The following LPP variants were observed in gnomAD, a reference collection of about 807,000 sequenced individuals.
LPP encodes LIM domain containing preferred translocation partner in lipoma.
A neutral mutation model predicts 60.4 loss-of-function variants in LPP; 38 were observed. The ratio of observed to expected loss-of-function variants is 0.63; its 90% confidence interval spans 0.49 to 0.83. The LOEUF is 0.83. Among genes scored for constraint, LPP ranks in the 40% least tolerant of loss-of-function variants. LPP has a pLI of 0.00. For missense variants in LPP, 902 were observed against 783.6 expected (o/e 1.15, Z -1.80); for synonymous variants, 328 against 290.8 (o/e 1.13, Z -1.30).
chr3:188,727,896 T>G (rs1363799929), intron 8 of LPP, among the ~76,000 whole-genome samples: 1 of 152,212 alleles, frequency 6.6e-6, no homozygotes, highest in East Asian at 1.9e-4. Flanking sequence ...CTATTTTTAA[T>G]GAGGATGCTT....
chr3:188,667,194 G>T (rs1855969925), intron 7 of LPP, among the ~76,000 whole-genome samples: 1 of 152,108 alleles, frequency 6.6e-6, no homozygotes, highest in Non-Finnish European at 1.5e-5. Context: ...TTCGGTAGGA[G>T]TTGGCTGGGC....
chr3:188,539,832 T>C (rs970744105), intron 6 of LPP, among the ~76,000 whole-genome samples: 22 of 152,214 alleles, frequency 1.4e-4, no homozygotes, highest in African/African-American at 5.3e-4. Flanking sequence ...AGATGGGAGC[T>C]CATTTGAATG....
chr3:188,592,917 A>G (rs558142709), intron 6 of LPP, among the ~76,000 whole-genome samples: 7 of 152,234 alleles, frequency 4.6e-5, no homozygotes, highest in Non-Finnish European at 7.4e-5. Flanking sequence ...ACAATGAATA[A>G]TATTATTTTA....
chr3:188,161,088 G>C (rs1056241078), intron 1 of LPP, among the ~76,000 whole-genome samples: 7 of 152,186 alleles, frequency 4.6e-5, no homozygotes, highest in African/African-American at 1.7e-4. Context: ...TGTGGGAGAT[G>C]GGGCTGGCTA....
At chr3:188,340,765 G>C (rs987264531) in intron 2 of LPP, among the ~76,000 whole-genome samples, 16 of 152,046 alleles carry the variant, frequency 1.1e-4, no homozygotes, top group Non-Finnish European at 2.2e-4. Context: ...TGTTAGATGA[G>C]GTCATGTGAG....
intron 7 of LPP, among the ~76,000 whole-genome samples, chr3:188,632,041 C>T (rs1201346851): frequency 6.6e-6 from 1 of 152,120 alleles, no homozygotes; most frequent in Non-Finnish European, 1.5e-5. Context: ...GCCCCTGAAG[C>T]TTCATTTCCT....
intron 9 of LPP, among the ~76,000 whole-genome samples, chr3:188,853,797 C>T (rs1035442918): frequency 1.3e-5 from 2 of 151,720 alleles, no homozygotes; most frequent in Non-Finnish European, 1.5e-5. Context: ...TGAACACAGA[C>T]TCCAAACCAT....
intron 8 of LPP, among the ~76,000 whole-genome samples, chr3:188,731,522 T>TTTTGTTTTG (rs1553817806): frequency 6.6e-6 from 1 of 151,462 alleles, no homozygotes; most frequent in African/African-American, 2.4e-5. Flanking sequence ...GTTTTTTTTG[T>TTTTGTTTTG]TTTGTTTTGT....
At chr3:188,839,842 CACTCCA>C (rs1279867626) in intron 9 of LPP, among the ~76,000 whole-genome samples, 4 of 152,142 alleles carry the variant, frequency 2.6e-5, no homozygotes, top group Non-Finnish European at 5.9e-5. Context: ...CACTCCACTG[CACTCCA>C]GCCTGGCGAC....
At position 188,263,040 on chromosome 3, in the gene LPP, T is replaced by C. The variant is rs2149704613; in HGVS notation, c.-67+37513T>C. Among the ~76,000 whole-genome samples, 4 of 152,268 alleles carry C rather than the reference T, an allele frequency of 2.6e-5. No homozygotes were observed. In the Middle Eastern group the frequency reaches 0.014, roughly 518 times the overall value. ...TATTTTTGTGACTATTCAGTACATGTACAATGCTGCCTCTTGGAGTGTTCC... is the reference window on the plus strand; with the variant it reads ...TATTTTTGTGACTATTCAGTACATGCACAATGCTGCCTCTTGGAGTGTTCC... On this transcript the variant is annotated intron_variant, in intron 2 of 11. Coordinates refer to ENST00000617246, the MANE Select transcript of LPP (RefSeq NM_001375462.1).
intron 5 of LPP, among the ~76,000 whole-genome samples, chr3:188,522,771 T>A (rs1233453635): frequency 4.5e-5 from 6 of 133,390 alleles, no homozygotes; most frequent in Admixed American, 2.3e-4. Flanking sequence ...TTTTAGATAA[T>A]GTGATAATAT....
At chr3:188,418,638 C>T (rs140151306) in intron 4 of LPP, among the ~76,000 whole-genome samples, 33 of 152,166 alleles carry the variant, frequency 2.2e-4, no homozygotes, top group African/African-American at 6.3e-4. Context: ...CTATCCAGAG[C>T]GATTTGAAGG....
At chr3:188,391,346 C>T (rs956248216) in intron 3 of LPP, among the ~76,000 whole-genome samples, 6 of 152,170 alleles carry the variant, frequency 3.9e-5, no homozygotes, top group African/African-American at 1.2e-4. Context: ...GCTCTGTGCA[C>T]GGCTCTTCTA....
At chr3:188,552,656 C>T (rs1347306538) in intron 6 of LPP, among the ~76,000 whole-genome samples, 3 of 152,126 alleles carry the variant, frequency 2.0e-5, no homozygotes, top group Admixed American at 6.6e-5. Flanking sequence ...TCTTGGCTCT[C>T]GGACTCTGTC....
chr3:188,266,895 C>A (rs1735778800), intron 2 of LPP, among the ~76,000 whole-genome samples: 1 of 152,134 alleles, frequency 6.6e-6, no homozygotes, highest in Non-Finnish European at 1.5e-5. Context: ...TGGTATGGAT[C>A]TACTTGTGCC....
intron 2 of LPP, among the ~76,000 whole-genome samples, chr3:188,275,915 C>T (rs1448888682): frequency 6.6e-6 from 1 of 152,060 alleles, no homozygotes; most frequent in East Asian, 1.9e-4. Context: ...ACCCCGTGAT[C>T]CTCCTGCCTC....
At chr3:188,382,443 C>A (rs1335975275) in intron 3 of LPP, among the ~76,000 whole-genome samples, 4 of 152,142 alleles carry the variant, frequency 2.6e-5, no homozygotes, top group Admixed American at 2.6e-4. Flanking sequence ...ATAATGTCTA[C>A]CCTGTCTCTC....
At chr3:188,644,881 A>G (rs1253658871) in intron 7 of LPP, among the ~76,000 whole-genome samples, 1 of 152,186 alleles carries the variant, frequency 6.6e-6, no homozygotes, top group Non-Finnish European at 1.5e-5. Flanking sequence ...GAACAGGAAG[A>G]AAGAGATTAG....
intron 8 of LPP, among the ~76,000 whole-genome samples, chr3:188,724,903 A>G (rs569932517): frequency 4.1e-4 from 62 of 152,344 alleles, no homozygotes; most frequent in African/African-American, 1.5e-3. Context: ...CTGATTTTGA[A>G]AATAAAGTCA....
Sources: allele counts gnomAD v4.1 joint callset (sites outside exome capture counted in the v4.1 genomes callset), GRCh38; gene constraint gnomAD v4.1.1; transcripts MANE v1.5; gene names NCBI Gene and HGNC (gene_info 2026-07-23, HGNC 2026-07-21).